Variants in KIF6 observed in about 807,000 individuals in gnomAD.
KIF6 encodes the protein kinesin-like protein KIF6.
In KIF6, 106 loss-of-function variants were observed where a neutral mutation model predicts 112.7. The ratio of observed to expected loss-of-function variants is 0.94; its 90% CI spans 0.80 to 1.11. The LOEUF (loss-of-function observed/expected upper bound fraction) is 1.11, where lower values mean the gene tolerates loss of function less well. Among genes scored for constraint, KIF6 ranks in the 50% least tolerant of loss-of-function variants. The pLI, the probability that KIF6 is intolerant of heterozygous loss-of-function variation, is 0.00. For synonymous variants in KIF6, 339 were observed against 339.9 expected (o/e 1.00, Z 0.03); for missense variants, 929 against 964.0 (o/e 0.96, Z 0.48).
chr6:39,450,108 T>C (rs185396275), intron 13 of KIF6, among the ~76,000 whole-genome samples: 78 of 152,356 alleles, frequency 5.1e-4, no homozygotes, highest in African/African-American at 1.9e-3. Flanking sequence ...AATGGCAAGG[T>C]GGCTAGTGAG....
chr6:39,362,815 C>G (rs1765264629), intron 16 of KIF6, among the ~76,000 whole-genome samples: 1 of 152,138 alleles, frequency 6.6e-6, no homozygotes, highest in Admixed American at 6.5e-5. Flanking sequence ...GTTGAGTTTC[C>G]AGGGAAGACG....
intron 15 of KIF6, among the ~76,000 whole-genome samples, chr6:39,401,453 A>AC (rs1232018408): frequency 6.6e-6 from 1 of 152,160 alleles, no homozygotes; most frequent in African/African-American, 2.4e-5. Context: ...CAGCCAATCT[A>AC]GGGGGCAATG....
chr6:39,523,665 T>C (rs1402581699), intron 13 of KIF6, among the ~76,000 whole-genome samples: 10 of 102,628 alleles, frequency 9.7e-5, no homozygotes, highest in East Asian at 2.6e-4. Flanking sequence ...TATATATATA[T>C]ATATATATAT....
Position 39,536,585 on chromosome 6 carries a change from C to A in KIF6, c.1645+3418G>T, listed in dbSNP as rs918413514. ...GTGGCAATAATCAATAGCTTACCAACGAAAAAGAGTCCAGGACCAGATGGA... is the reference window on the plus strand; with the variant it reads ...GTGGCAATAATCAATAGCTTACCAAAGAAAAAGAGTCCAGGACCAGATGGA... On this transcript the variant is annotated intron_variant, in intron 13 of 22. Coordinates refer to ENST00000287152, the MANE Select transcript of KIF6 (RefSeq NM_145027.6). Among the ~76,000 whole-genome samples, 136 of 152,138 alleles carry A rather than the reference C, an allele frequency of 8.9e-4. 1 individual carries two copies. The highest frequency in any genetic ancestry group is 3.0e-3 in the African/African-American group (125 of 41,454).
intron 15 of KIF6, among the ~76,000 whole-genome samples, chr6:39,393,941 G>T (rs1423249223): frequency 2.0e-5 from 3 of 152,074 alleles, no homozygotes; most frequent in Admixed American, 6.6e-5. Context: ...AAAGAATGGG[G>T]TATAAATGAT....
intron 13 of KIF6, among the ~76,000 whole-genome samples, chr6:39,480,990 A>G (rs940602184): frequency 8.5e-5 from 13 of 152,200 alleles, no homozygotes; most frequent in African/African-American, 2.9e-4. Flanking sequence ...AATTTTATTT[A>G]TCTTTTCAAA....
chr6:39,354,999 G>A (rs1480580869), intron 19 of KIF6, among the ~76,000 whole-genome samples: 1 of 152,116 alleles, frequency 6.6e-6, no homozygotes, highest in East Asian at 1.9e-4. Context: ...GCAACATGGT[G>A]AGACTCTTCC....
chr6:39,506,115 A>G (rs764779853), intron 13 of KIF6, among the ~76,000 whole-genome samples: 18 of 152,242 alleles, frequency 1.2e-4, no homozygotes, highest in South Asian at 6.2e-4. Flanking sequence ...ATGCTCACCA[A>G]TGATAGACTG....
chr6:39,398,409 C>G (rs1017202044), intron 15 of KIF6, among the ~76,000 whole-genome samples: 1 of 152,200 alleles, frequency 6.6e-6, no homozygotes, highest in African/African-American at 2.4e-5. Context: ...CAGGGTCTAA[C>G]AGGTGCCAGG....
At chr6:39,606,001 T>C (rs2150705937) in intron 6 of KIF6, among the ~76,000 whole-genome samples, 1 of 152,202 alleles carries the variant, frequency 6.6e-6, no homozygotes, top group East Asian at 1.9e-4. Flanking sequence ...TTCCCTCCCC[T>C]TCTTCAGGAT....
chr6:39,403,746 C>G (rs1016637081), intron 15 of KIF6, among the ~76,000 whole-genome samples: 10 of 152,214 alleles, frequency 6.6e-5, no homozygotes, highest in Non-Finnish European at 7.3e-5. Context: ...CCCCATTTTG[C>G]ATGCTGACTA....
At chr6:39,478,418 T>C (rs1252780334) in intron 13 of KIF6, among the ~76,000 whole-genome samples, 1 of 152,196 alleles carries the variant, frequency 6.6e-6, no homozygotes, top group East Asian at 1.9e-4. Flanking sequence ...ATATATATCA[T>C]GTCATTATCC....
intron 13 of KIF6, among the ~76,000 whole-genome samples, chr6:39,445,286 T>C (rs919558269): frequency 6.6e-6 from 1 of 152,086 alleles, no homozygotes; most frequent in African/African-American, 2.4e-5. Context: ...GAAACTCCCA[T>C]CCCCCAGTGA....
intron 12 of KIF6, among the ~76,000 whole-genome samples, chr6:39,540,601 AG>A (rs1197709588): frequency 6.6e-6 from 1 of 152,254 alleles, no homozygotes; most frequent in Non-Finnish European, 1.5e-5. Flanking sequence ...TATATGTATC[AG>A]CCCCCTGGGC....
intron 3 of KIF6, among the ~76,000 whole-genome samples, chr6:39,689,325 G>C (rs1220734902): frequency 1.3e-5 from 2 of 152,038 alleles, no homozygotes; most frequent in African/African-American, 4.8e-5. Flanking sequence ...GTGAAACCCT[G>C]TCTCTACAAC....
At chr6:39,492,239 G>A (rs1435768747) in intron 13 of KIF6, among the ~76,000 whole-genome samples, 1 of 152,200 alleles carries the variant, frequency 6.6e-6, no homozygotes, top group Non-Finnish European at 1.5e-5. Context: ...TGCACAGCAG[G>A]CTCACAGGGA....
At chr6:39,492,725 T>G (rs1775544307) in intron 13 of KIF6, among the ~76,000 whole-genome samples, 1 of 152,178 alleles carries the variant, frequency 6.6e-6, no homozygotes, top group Non-Finnish European at 1.5e-5. Context: ...GTTATACATG[T>G]GTGGGGTGGT....
At chr6:39,701,745 G>A (rs1788890113) in intron 3 of KIF6, among the ~76,000 whole-genome samples, 1 of 152,216 alleles carries the variant, frequency 6.6e-6, no homozygotes, top group African/African-American at 2.4e-5. Context: ...TCTGAGCAGA[G>A]AAGTAACATC....
intron 13 of KIF6, among the ~76,000 whole-genome samples, chr6:39,461,782 T>C (rs1329793809): frequency 6.6e-6 from 1 of 152,164 alleles, no homozygotes; most frequent in Non-Finnish European, 1.5e-5. Context: ...AAAAAATTAT[T>C]ATTTTTTAAT....
Sources: allele counts gnomAD v4.1 joint callset (sites outside exome capture counted in the v4.1 genomes callset), GRCh38; gene constraint gnomAD v4.1.1; transcripts MANE v1.5; gene names NCBI Gene and HGNC (gene_info 2026-07-23, HGNC 2026-07-21).